PLCB1: variants seen among roughly 807,000 people sequenced by gnomAD.
The protein encoded by PLCB1 is phospholipase C beta 1, also known as 1-phosphatidylinositol 4,5-bisphosphate phosphodiesterase beta-1.
PLCB1 carries 46 observed loss-of-function variants against 161.8 expected under a neutral mutation model. That is an observed-to-expected ratio of 0.28 (90% CI 0.22 to 0.36). The LOEUF (loss-of-function observed/expected upper bound fraction) is 0.36, where lower values mean the gene tolerates loss of function less well. Ranked by LOEUF, PLCB1 falls within the 10% of genes least tolerant of loss-of-function variation. The pLI is 1.00. For missense variants in PLCB1, 1,016 were observed against 1,472.5 expected (o/e 0.69, Z 5.07); for synonymous variants, 517 against 503.7 (o/e 1.03, Z -0.35).
chr20:8,238,570 A>G (rs960715636), intron 2 of PLCB1, among the ~76,000 whole-genome samples: 1 of 151,904 alleles, frequency 6.6e-6, no homozygotes, highest in Non-Finnish European at 1.5e-5. Context: ...AAGTATAAGG[A>G]CTCACCTTTA....
chr20:8,830,327 T>C (rs1712108005), intron 31 of PLCB1, among the ~76,000 whole-genome samples: 2 of 152,198 alleles, frequency 1.3e-5, no homozygotes, highest in African/African-American at 4.8e-5. Context: ...GCAAGAAGCA[T>C]CAAGGGCTTG....
At chr20:8,599,951 C>T (rs1387057547) in intron 3 of PLCB1, among the ~76,000 whole-genome samples, 4 of 143,162 alleles carry the variant, frequency 2.8e-5, no homozygotes, top group Non-Finnish European at 6.1e-5. Flanking sequence ...TCAGCTCCAT[C>T]AGCTCCTTTA....
At chr20:8,707,269 G>A (rs1233244817) in intron 11 of PLCB1, among the ~76,000 whole-genome samples, 2 of 152,116 alleles carry the variant, frequency 1.3e-5, no homozygotes, top group African/African-American at 4.8e-5. Context: ...GCTTTCAGGA[G>A]TGGATATAAA....
chr20:8,788,373 T>C (rs1983589714), intron 27 of PLCB1, 76 bp from the exon 28 acceptor site: 17 of 1,311,594 alleles, frequency 1.3e-5, no homozygotes, highest in Non-Finnish European at 1.7e-5. Context: ...CTATAGATTC[T>C]GTTGTTTGAG....
intron 3 of PLCB1, among the ~76,000 whole-genome samples, chr20:8,512,578 AAAT>A (rs1266108165): frequency 3.3e-5 from 5 of 152,064 alleles, no homozygotes; most frequent in Non-Finnish European, 5.9e-5. Flanking sequence ...TTTAATTGAT[AAAT>A]AATAATTATA....
intron 2 of PLCB1, among the ~76,000 whole-genome samples, chr20:8,206,957 T>G (rs776601972): frequency 1.3e-5 from 2 of 148,846 alleles, no homozygotes; most frequent in Non-Finnish European, 3.0e-5. Flanking sequence ...AATATTGAGA[T>G]GTAAAATTAG....
chr20:8,391,822 T>TATAC (rs1568658954), intron 3 of PLCB1, among the ~76,000 whole-genome samples: 1 of 102,908 alleles, frequency 9.7e-6, no homozygotes, highest in Admixed American at 1.0e-4. Context: ...TATATATATA[T>TATAC]ATACACACAC....
intron 26 of PLCB1, among the ~76,000 whole-genome samples, chr20:8,769,375 CTA>C (rs147923379): frequency 9.3e-5 from 14 of 150,336 alleles, no homozygotes; most frequent in Admixed American, 3.3e-4. Flanking sequence ...AGTTCTATTT[CTA>C]TATATATATA....
intron 3 of PLCB1, among the ~76,000 whole-genome samples, chr20:8,594,649 G>A (rs1341772799): frequency 6.6e-6 from 1 of 151,240 alleles, no homozygotes; most frequent in Admixed American, 6.6e-5. Flanking sequence ...TTTGCACATT[G>A]ACTTGCAAAA....
intron 3 of PLCB1, among the ~76,000 whole-genome samples, chr20:8,608,985 C>A (rs1272966823): frequency 2.0e-5 from 3 of 152,116 alleles, no homozygotes; most frequent in South Asian, 4.1e-4. Flanking sequence ...TCAATATACC[C>A]TAGCAAACTG....
intron 3 of PLCB1, among the ~76,000 whole-genome samples, chr20:8,618,386 G>T (rs908233965): frequency 6.6e-6 from 1 of 151,920 alleles, no homozygotes; most frequent in African/African-American, 2.4e-5. Context: ...TACTGGCTGG[G>T]TGCAGTGTGT....
intron 2 of PLCB1, among the ~76,000 whole-genome samples, chr20:8,284,327 A>G (rs1193519708): frequency 6.6e-6 from 1 of 152,148 alleles, no homozygotes; most frequent in Non-Finnish European, 1.5e-5. Context: ...TTACCCAAGG[A>G]CTTGGGTGAT....
chr20:8,495,896 A>G (rs1983150050), intron 3 of PLCB1, among the ~76,000 whole-genome samples: 1 of 152,118 alleles, frequency 6.6e-6, no homozygotes, highest in South Asian at 2.1e-4. Flanking sequence ...TATTCAAAGT[A>G]ACGAAGGGTA....
chr20:8,831,553 C>G (rs1268789944), intron 31 of PLCB1, among the ~76,000 whole-genome samples: 1 of 152,084 alleles, frequency 6.6e-6, no homozygotes, highest in Non-Finnish European at 1.5e-5. Context: ...TTGAATAAAT[C>G]CCACCAGTTT....
intron 2 of PLCB1, among the ~76,000 whole-genome samples, chr20:8,335,282 A>G (rs1267934465): frequency 6.6e-6 from 1 of 152,208 alleles, no homozygotes; most frequent in Non-Finnish European, 1.5e-5. Context: ...TCACCCAGCC[A>G]GGGCAAAGGG....
At chr20:8,508,948 A>G (rs969096073) in intron 3 of PLCB1, among the ~76,000 whole-genome samples, 4 of 152,194 alleles carry the variant, frequency 2.6e-5, no homozygotes, top group Admixed American at 6.5e-5. Context: ...GACAGCAAAC[A>G]CAACCAACTT....
intron 31 of PLCB1, among the ~76,000 whole-genome samples, chr20:8,845,100 C>T (rs550880524): frequency 6.6e-6 from 1 of 151,890 alleles, no homozygotes; most frequent in South Asian, 2.1e-4. Context: ...GGCAATAGAG[C>T]AAGACTCTGT....
intron 3 of PLCB1, among the ~76,000 whole-genome samples, chr20:8,513,626 C>T (rs1010673644): frequency 1.3e-5 from 2 of 152,152 alleles, no homozygotes; most frequent in Non-Finnish European, 2.9e-5. Context: ...TGAGATATCA[C>T]TGAAATATGG....
intron 2 of PLCB1, among the ~76,000 whole-genome samples, chr20:8,193,854 T>G (rs2051995867): frequency 6.6e-6 from 1 of 151,998 alleles, no homozygotes; most frequent in Non-Finnish European, 1.5e-5. Context: ...GTATAGTAAA[T>G]GCTGTGTGGT....
Sources: allele counts gnomAD v4.1 joint callset (sites outside exome capture counted in the v4.1 genomes callset), GRCh38; gene constraint gnomAD v4.1.1; transcripts MANE v1.5; gene names NCBI Gene and HGNC (gene_info 2026-07-23, HGNC 2026-07-21).